The following ANO6 variants were observed in gnomAD, a reference collection of about 807,000 sequenced individuals.
The protein encoded by ANO6 is anoctamin-6.
In ANO6, 106 loss-of-function variants were observed where a neutral mutation model predicts 117.5. The ratio of observed to expected loss-of-function variants is 0.90; its 90% confidence interval spans 0.77 to 1.06. The LOEUF is 1.06. ANO6 is among the 50% of genes least tolerant of loss of function. The pLI, the probability that ANO6 is intolerant of heterozygous loss-of-function variation, is 0.00. For missense variants in ANO6, 955 were observed against 1,121.1 expected (o/e 0.85, Z 2.12); for synonymous variants, 367 against 385.1 (o/e 0.95, Z 0.55).
chr12:45,239,532 G>A (rs1406973466), intron 1 of ANO6, among the ~76,000 whole-genome samples: 1 of 149,968 alleles, frequency 6.7e-6, no homozygotes, highest in Non-Finnish European at 1.5e-5. Flanking sequence ...AGGGTTTTTT[G>A]TGTTTCTGTT....
intron 2 of ANO6, among the ~76,000 whole-genome samples, chr12:45,314,557 C>T (rs1939958599): frequency 6.7e-6 from 1 of 150,186 alleles, no homozygotes; most frequent in Admixed American, 6.6e-5. Context: ...TATATGTGTA[C>T]ATATACATAT....
intron 1 of ANO6, among the ~76,000 whole-genome samples, chr12:45,226,030 T>A (rs888845688): frequency 5.9e-5 from 9 of 152,196 alleles, no homozygotes; most frequent in Non-Finnish European, 1.2e-4. Flanking sequence ...TTTTGGTCAT[T>A]GCAACTAAAA....
intron 16 of ANO6, among the ~76,000 whole-genome samples, chr12:45,416,426 A>T (rs1005143373): frequency 6.6e-6 from 1 of 152,240 alleles, no homozygotes; most frequent in Non-Finnish European, 1.5e-5. Context: ...ATTACCAGCG[A>T]ATAATTCTGG....
At chr12:45,235,650 C>T (rs912534987) in intron 1 of ANO6, among the ~76,000 whole-genome samples, 6 of 152,188 alleles carry the variant, frequency 3.9e-5, no homozygotes, top group Admixed American at 2.6e-4. Flanking sequence ...GCATTCTCCT[C>T]ATTCTTCAGT....
intron 2 of ANO6, among the ~76,000 whole-genome samples, chr12:45,305,370 A>G (rs555419262): frequency 6.6e-6 from 1 of 152,188 alleles, no homozygotes; most frequent in African/African-American, 2.4e-5. Context: ...TTTCATTAAC[A>G]TTTTATCTTG....
At chr12:45,380,114 G>A (rs868320248) in intron 10 of ANO6, among the ~76,000 whole-genome samples, 1 of 152,096 alleles carries the variant, frequency 6.6e-6, no homozygotes, top group African/African-American at 2.4e-5. Context: ...AAAGTTGAGA[G>A]TAGAAAACCT....
chr12:45,390,495 C>G lies in ANO6; in HGVS notation c.1383C>G (p.Phe461Leu). The G allele has an allele frequency of 6.2e-7, 1 of 1,612,868 alleles. No individual in the cohort carries two copies. The highest frequency in any genetic ancestry group is 8.5e-7 in the Non-Finnish European group (1 of 1,179,220). Residue 461 changes from phenylalanine to leucine, a missense_variant, in exon 12 of 20, where the codon TTC becomes TTG. Coordinates refer to ENST00000320560, the MANE Select transcript of ANO6 (RefSeq NM_001025356.3). ...CCCTCTGTGCCAGTGCTGTCTTTTT[C>G]TGGGTAATTCTATCACAAAAATGTT... The part of the protein sequence containing the change: ...RITLCASAVF[F>L]WILLIIASVI...
At chr12:45,282,322 C>T (rs1938766683) in intron 1 of ANO6, among the ~76,000 whole-genome samples, 1 of 152,130 alleles carries the variant, frequency 6.6e-6, no homozygotes, top group African/African-American at 2.4e-5. Flanking sequence ...CTTTAGTCTA[C>T]CTGTGTTAAC....
At chr12:45,387,127 G>C (rs1942320057) in intron 10 of ANO6, among the ~76,000 whole-genome samples, 2 of 152,328 alleles carry the variant, frequency 1.3e-5, no homozygotes, top group South Asian at 4.1e-4. Flanking sequence ...TTTGTAAATA[G>C]AAGAGTGGTG....
chr12:45,363,563 C>CAA (rs528756231), intron 8 of ANO6, among the ~76,000 whole-genome samples: 20 of 113,840 alleles, frequency 1.8e-4, no homozygotes, highest in African/African-American at 5.5e-4. Context: ...GACTCTGTCT[C>CAA]AAAAAAAAAA....
intron 12 of ANO6, among the ~76,000 whole-genome samples, chr12:45,401,328 G>A (rs921366744): frequency 6.6e-6 from 1 of 152,218 alleles, no homozygotes; most frequent in Non-Finnish European, 1.5e-5. Flanking sequence ...TGGAGTATGA[G>A]TGAGCAAAAA....
chr12:45,399,598 G>C (rs1242480990), intron 12 of ANO6, among the ~76,000 whole-genome samples: 1 of 152,116 alleles, frequency 6.6e-6, no homozygotes, highest in Admixed American at 6.5e-5. Flanking sequence ...ACTGAGTTAT[G>C]TGTCAATCCC....
chr12:45,383,387 A>T (rs1431439943), intron 10 of ANO6: 1 of 152,628 alleles, frequency 6.6e-6, no homozygotes, highest in Non-Finnish European at 1.5e-5. Context: ...ACTTCTGTTA[A>T]TGTTGACATC....
intron 13 of ANO6, among the ~76,000 whole-genome samples, 172 bp downstream of exon 13, chr12:45,402,192 C>T (rs908643310): frequency 2.0e-5 from 3 of 152,126 alleles, no homozygotes; most frequent in African/African-American, 7.2e-5. Flanking sequence ...TACAGCTTTG[C>T]ATTAGTAAAA....
At chr12:45,420,798 A>G (rs1451043000) in intron 17 of ANO6, among the ~76,000 whole-genome samples, 1 of 106,718 alleles carries the variant, frequency 9.4e-6, no homozygotes, top group Non-Finnish European at 1.7e-5. Flanking sequence ...ATCACCTGAG[A>G]CCAGGAGTTC....
intron 1 of ANO6, among the ~76,000 whole-genome samples, chr12:45,244,498 G>A (rs1947795771): frequency 6.6e-6 from 1 of 151,574 alleles, no homozygotes; most frequent in African/African-American, 2.4e-5. Context: ...GTTTATTTAT[G>A]TACTCGCAGG....
intron 17 of ANO6, among the ~76,000 whole-genome samples, chr12:45,417,158 A>G (rs1943234858): frequency 6.6e-6 from 1 of 152,230 alleles, no homozygotes; most frequent in Admixed American, 6.5e-5. Flanking sequence ...TCAGTATGAA[A>G]TATGGTAATG....
chr12:45,331,151 T>G lies in ANO6; in HGVS notation c.151-144T>G, dbSNP rs910904276. 10 of 662,948 alleles carry G rather than the reference T, an allele frequency of 1.5e-5. No individual in the cohort carries two copies. The African/African-American group carries it at 1.6e-4, about 11-fold the overall frequency. The allele number at this position is 662,948 out of a possible 1,614,324, so 41.1% of individuals were successfully genotyped here. A position where few individuals can be genotyped will look rare whatever the true frequency, so the allele number is the denominator to read the frequency against. Reference sequence around the variant, plus strand: ...ACCATGTTTGCCATGTCAGTCATAGTGGCCATGACTGTTTGGTAAGCTAAC... The same window carrying G: ...ACCATGTTTGCCATGTCAGTCATAGGGGCCATGACTGTTTGGTAAGCTAAC... On this transcript the variant is annotated intron_variant, in intron 2 of 19. Coordinates refer to ENST00000320560, the MANE Select transcript of ANO6 (RefSeq NM_001025356.3).
chr12:45,413,194 G>T (rs1300454660), intron 16 of ANO6, among the ~76,000 whole-genome samples: 1 of 152,224 alleles, frequency 6.6e-6, no homozygotes, highest in Non-Finnish European at 1.5e-5. Context: ...TTTTGGATGA[G>T]ATTCGTGGTG....
Sources: gnomAD v4.1 joint callset for allele counts (sites outside exome capture counted in the v4.1 genomes callset) on GRCh38, gnomAD v4.1.1 for gene constraint, MANE v1.5 for transcripts, NCBI Gene and HGNC (gene_info 2026-07-23, HGNC 2026-07-21) for gene names.